PDE1C: variants seen among roughly 807,000 people sequenced by gnomAD.
PDE1C encodes phosphodiesterase 1C.
A neutral mutation model predicts 93.1 loss-of-function variants in PDE1C; 62 were observed. That is an observed-to-expected ratio of 0.67 (90% CI 0.54 to 0.82). The LOEUF (loss-of-function observed/expected upper bound fraction) is 0.82, where lower values mean the gene tolerates loss of function less well. Ranked by LOEUF, PDE1C falls within the 40% of genes least tolerant of loss-of-function variation. The probability of loss-of-function intolerance (pLI) is 0.00; values close to 1 mark genes in which losing one functional copy is unlikely to be tolerated. For synonymous variants in PDE1C, 325 were observed against 310.1 expected (o/e 1.05, Z -0.50); for missense variants, 742 against 884.6 (o/e 0.84, Z 2.04).
the PDE1C span, chr7:31,643,719 C>T: frequency 1.2e-6 from 2 of 1,614,050 alleles, no homozygotes; most frequent in South Asian, 1.1e-5. Context: ...CCAAATCCGT[C>T]TCTCTAGACT....
chr7:32,004,981 A>C (rs960525697), intron 2 of PDE1C, among the ~76,000 whole-genome samples: 1 of 152,210 alleles, frequency 6.6e-6, no homozygotes, highest in Non-Finnish European at 1.5e-5. Context: ...TTATGTGTTC[A>C]TATTGGTGCT....
chr7:31,877,754 G>T (rs1282193176), intron 5 of PDE1C, among the ~76,000 whole-genome samples: 2 of 150,350 alleles, frequency 1.3e-5, no homozygotes, highest in African/African-American at 4.9e-5. Flanking sequence ...AGAAAGAAAT[G>T]AAACCCACAC....
At chr7:32,361,243 T>C (rs765664754) in intron 1 of PDE1C, among the ~76,000 whole-genome samples, 2 of 152,200 alleles carry the variant, frequency 1.3e-5, no homozygotes, top group Non-Finnish European at 2.9e-5. Flanking sequence ...CCAGGTCCTA[T>C]CTGCAGTCTT....
intron 15 of PDE1C, among the ~76,000 whole-genome samples, chr7:31,814,981 C>T (rs781176957): frequency 8.2e-4 from 125 of 151,974 alleles, no homozygotes; most frequent in Non-Finnish European, 1.6e-3. Flanking sequence ...CTGCCTGCCC[C>T]TAAACAAGGA....
At chr7:31,984,368 C>T (rs574932235) in intron 2 of PDE1C, among the ~76,000 whole-genome samples, 2 of 152,240 alleles carry the variant, frequency 1.3e-5, no homozygotes, top group Non-Finnish European at 2.9e-5. Context: ...AAACCATCCC[C>T]CTGCCATCCG....
intron 2 of PDE1C, among the ~76,000 whole-genome samples, chr7:31,981,693 T>C (rs1463335823): frequency 6.6e-6 from 1 of 152,230 alleles, no homozygotes; most frequent in African/African-American, 2.4e-5. Flanking sequence ...ACCTACTTTC[T>C]TCACTTAAGT....
chr7:31,872,589 A>G (rs1796076221), intron 6 of PDE1C, among the ~76,000 whole-genome samples: 1 of 152,134 alleles, frequency 6.6e-6, no homozygotes, highest in Non-Finnish European at 1.5e-5. Flanking sequence ...ATCTCCGGAG[A>G]AATCAATATG....
intron 3 of PDE1C, among the ~76,000 whole-genome samples, chr7:32,084,307 C>T (rs976260436): frequency 1.3e-5 from 2 of 151,444 alleles, no homozygotes; most frequent in Non-Finnish European, 2.9e-5. Flanking sequence ...GCTAACTATC[C>T]TAAATATATA....
intron 15 of PDE1C, among the ~76,000 whole-genome samples, chr7:31,814,225 T>G (rs1787936917): frequency 6.6e-6 from 1 of 152,106 alleles, no homozygotes; most frequent in Non-Finnish European, 1.5e-5. Context: ...ATATGACTTC[T>G]TTTCCTCTGG....
the PDE1C span, among the ~76,000 whole-genome samples, chr7:31,660,170 C>T: frequency 1.3e-5 from 2 of 152,172 alleles, no homozygotes; most frequent in Non-Finnish European, 2.9e-5. Flanking sequence ...GTCAATTAAA[C>T]TTCTTTCCTT....
intron 2 of PDE1C, among the ~76,000 whole-genome samples, chr7:32,040,009 A>G (rs1190497586): frequency 6.6e-6 from 1 of 152,184 alleles, no homozygotes; most frequent in Non-Finnish European, 1.5e-5. Context: ...CAACTTTAAA[A>G]TCTCTTTCAA....
intron 1 of PDE1C, among the ~76,000 whole-genome samples, chr7:32,248,273 G>T (rs1809111085): frequency 1.3e-5 from 2 of 152,144 alleles, no homozygotes; most frequent in Admixed American, 1.3e-4. Context: ...AATGAGAGAA[G>T]TCCTCGAGGG....
chr7:32,023,304 A>G (rs757232930), intron 2 of PDE1C, among the ~76,000 whole-genome samples: 1 of 152,164 alleles, frequency 6.6e-6, no homozygotes, highest in Non-Finnish European at 1.5e-5. Context: ...GTTAAAGATC[A>G]TACTTGCTGA....
chr7:32,215,934 C>T (rs1806395342), intron 1 of PDE1C, among the ~76,000 whole-genome samples: 1 of 152,218 alleles, frequency 6.6e-6, no homozygotes, highest in South Asian at 2.1e-4. Flanking sequence ...TGCTTTGCCA[C>T]AGCCCTGGGT....
chr7:32,337,729 G>T (rs1562680403), intron 1 of PDE1C, among the ~76,000 whole-genome samples: 1 of 40,172 alleles, frequency 2.5e-5, no homozygotes. Context: ...AGGGAAAGGA[G>T]GGGGGAGAAG....
At chr7:31,859,163 T>C (rs1794380106) in intron 7 of PDE1C, among the ~76,000 whole-genome samples, 1 of 149,402 alleles carries the variant, frequency 6.7e-6, no homozygotes, top group Non-Finnish European at 1.5e-5. Context: ...ATATTGACTA[T>C]TGACTATGTA....
chr7:31,829,754 T>A (rs1267869652), intron 11 of PDE1C, among the ~76,000 whole-genome samples: 1 of 152,148 alleles, frequency 6.6e-6, no homozygotes, highest in Non-Finnish European at 1.5e-5. Context: ...AAGTACGCAC[T>A]ACTGAAAACT....
the PDE1C span, among the ~76,000 whole-genome samples, chr7:31,665,818 T>C: frequency 6.6e-6 from 1 of 152,216 alleles, no homozygotes; most frequent in African/African-American, 2.4e-5. Context: ...TTTCCTTTGA[T>C]GTATATAGAT....
chr7:32,386,313 T>C (rs1784627060), intron 1 of PDE1C, among the ~76,000 whole-genome samples: 1 of 102,736 alleles, frequency 9.7e-6, no homozygotes, highest in Non-Finnish European at 1.9e-5. Context: ...ATTTGGAGTA[T>C]ATCCTTCCTG....
Sources: gnomAD v4.1 joint callset for allele counts (sites outside exome capture counted in the v4.1 genomes callset) on GRCh38, gnomAD v4.1.1 for gene constraint, MANE v1.5 for transcripts, NCBI Gene and HGNC (gene_info 2026-07-23, HGNC 2026-07-21) for gene names.